The following HOMEZ variants were observed in gnomAD, a reference collection of about 807,000 sequenced individuals.
HOMEZ encodes the protein homeobox and leucine zipper encoding, also known as homeobox and leucine zipper protein Homez.
Under a neutral mutation model 50.1 loss-of-function variants are expected in HOMEZ, and 20 were observed. The observed-to-expected ratio is 0.40, with a 90% CI of 0.28 to 0.58. The LOEUF (loss-of-function observed/expected upper bound fraction) is 0.58. Ranked by LOEUF, HOMEZ falls within the 20% of genes least tolerant of loss-of-function variation. HOMEZ has a pLI of 0.46. For missense variants in HOMEZ, 579 were observed against 680.5 expected, an observed-to-expected ratio of 0.85 and a Z score of 1.66; for synonymous variants, 239 against 254.7, an observed-to-expected ratio of 0.94 and a Z score of 0.59.
intron 1 of HOMEZ, among the ~76,000 whole-genome samples, chr14:23,282,584 C>T (rs1886579813): frequency 6.6e-6 from 1 of 151,920 alleles, no homozygotes. Flanking sequence ...TACTTAACCT[C>T]ATTTGTGTCC....
rs1886347738 is a variant in HOMEZ at position 23,276,107 on chromosome 14, A to G, written c.1121T>C (p.Phe374Ser). The G allele has an allele frequency of 6.2e-7, 1 of 1,613,892 alleles. No homozygotes were observed. The highest frequency in any genetic ancestry group is 1.3e-5 in the African/African-American group (1 of 74,942). The change falls in exon 2 of 2, where the codon TTT (phenylalanine) becomes TCT (serine). Residue 374 changes from phenylalanine to serine, a missense_variant. Phe to Ser is a radical substitution (Grantham distance 155). Coordinates refer to ENST00000357460, the MANE Select transcript of HOMEZ (RefSeq NM_020834.3). This position sits in a 1 kb window ranked among gnomAD's most constrained non-coding sequence, Gnocchi z 4.1. Reference protein sequence around the residue: ...TKEQLAILKSFFLQCQWARRE... With the variant: ...TKEQLAILKSSFLQCQWARRE... ...CCGTGCCCACTGGCACTGTAAAAAA[A>G]AGGATTTAAGGATAGCCAGCTGCTC...
chr14:23,284,695 C>G (rs1193186221), intron 1 of HOMEZ, among the ~76,000 whole-genome samples: 1 of 152,118 alleles, frequency 6.6e-6, no homozygotes, highest in Admixed American at 6.6e-5. Flanking sequence ...AGAGACATAA[C>G]GCAAGGAAGA....
intron 1 of HOMEZ, chr14:23,285,338 A>G (rs1886634983): frequency 6.6e-6 from 1 of 151,994 alleles, no homozygotes; most frequent in South Asian, 2.1e-4. Context: ...GAGTCTCAGA[A>G]TAGGACGCAA....
rs1886225154 is a variant in HOMEZ, at chr14:23,272,978, G to C, written c.*2597C>G. 4 of 723,188 alleles carry C rather than the reference G, an allele frequency of 5.5e-6. No individual in the cohort carries two copies. The East Asian group carries it at 1.2e-4, about 21-fold the overall frequency. The allele number at this position is 723,188 out of a possible 1,614,324, so 44.8% of individuals were successfully genotyped here. ...ATTAGGGGTGATGGCCCTGGAAAAT[G>C]TATCCCTGCATTGTTTCCTAGTTTC... On this transcript the variant is annotated 3_prime_UTR_variant, in exon 2 of 2. Transcript: ENST00000357460.
In HOMEZ at chr14:23,276,763, A is replaced by G. The variant is rs1886372286; in HGVS notation, c.465T>C (p.Pro155=). ...CAACTTGCTCTGGAGCTGGCACTGG[A>G]GGAGGAGGCACCTCCTCTGGGGGCC... The part of the protein sequence containing the change: ...AGRPPEEVPP[P]PVPAPEQVGI... The change falls in exon 2 of 2, where the codon CCT becomes CCC. Residue 155 remains proline, a synonymous_variant. Coordinates refer to ENST00000357460, the MANE Select transcript of HOMEZ (RefSeq NM_020834.3). This position sits in a 1 kb window ranked among gnomAD's most constrained non-coding sequence, Gnocchi z 4.1. The G allele has an allele frequency of 3.7e-6, 6 of 1,613,994 alleles. No individual in the cohort carries two copies. The highest frequency in any genetic ancestry group is 1.6e-4 in the Middle Eastern group (1 of 6,062).
Position 23,274,554 on chromosome 14 carries a change from G to A in HOMEZ, c.*1021C>T, listed in dbSNP as rs985078772. 8 of 152,524 alleles carry A rather than the reference G, an allele frequency of 5.2e-5. No individual in the cohort carries two copies. The highest frequency in any genetic ancestry group is 2.0e-4 in the Admixed American group (3 of 15,272). 9.4% of individuals were successfully genotyped at this position (152,524 alleles called of 1,614,324 possible). ...GAAGATTTTCCCTGAGACAAACAAT[G>A]AACAGAGTGAGGATTTTGGAAAGAT... On this transcript the variant is annotated 3_prime_UTR_variant, in exon 2 of 2. Coordinates refer to ENST00000357460, the MANE Select transcript of HOMEZ (RefSeq NM_020834.3).
Position 23,276,798 on chromosome 14 carries a change from G to C in HOMEZ, c.430C>G (p.His144Asp), listed in dbSNP as rs1029872144. Residue 144 changes from histidine (H) to aspartate (D), a missense_variant, in exon 2 of 2, where the codon CAT (histidine) becomes GAT (aspartate). Coordinates refer to ENST00000357460, the MANE Select transcript of HOMEZ (RefSeq NM_020834.3). This position sits in a 1 kb window ranked among gnomAD's most constrained non-coding sequence, Gnocchi z 4.1. ...ACCTCCTCTGGGGGCCGTCCCGCATGATGAGTAAAAGAGAGAAGGGATTTG... is the reference window on the plus strand; with the variant it reads ...ACCTCCTCTGGGGGCCGTCCCGCATCATGAGTAAAAGAGAGAAGGGATTTG... ...HFKSLLSFTH[H>D]AGRPPEEVPP... 8.7e-6 allele frequency: 14 copies of C among 1,613,948 alleles called. No homozygotes were observed. The highest frequency in any genetic ancestry group is 1.0e-5 in the Non-Finnish European group (12 of 1,179,906).
Position 23,276,939 on chromosome 14 carries a change from C to T in HOMEZ, c.289G>A (p.Glu97Lys). 1 of 1,614,080 alleles carries T rather than the reference C, an allele frequency of 6.2e-7. No individual in the cohort carries two copies. Among genetic ancestry groups the T allele is most frequent in the Non-Finnish European group, 8.5e-7 (1 of 1,179,916 alleles). ...GCCATAAACCAAGTCTTGACTTTCTCCATCTGCAACCCATAACGTAGGCAG... is the reference window on the plus strand; with the variant it reads ...GCCATAAACCAAGTCTTGACTTTCTTCATCTGCAACCCATAACGTAGGCAG... ...LLCLRYGLQMEKVKTWFMAQR... is the reference protein window; with the variant it reads ...LLCLRYGLQMKKVKTWFMAQR... Residue 97 changes from glutamate to lysine, a missense_variant, in exon 2 of 2, where the codon GAG becomes AAG. Glu to Lys is a moderately conservative substitution (Grantham distance 56). Coordinates refer to ENST00000357460, the MANE Select transcript of HOMEZ (RefSeq NM_020834.3). The surrounding 1 kb of genome is among the most constrained non-coding windows in gnomAD (Gnocchi z 4.1).
chr14:23,281,437 G>A (rs933153058), intron 1 of HOMEZ, among the ~76,000 whole-genome samples: 6 of 152,080 alleles, frequency 3.9e-5, no homozygotes, highest in South Asian at 2.1e-4. Context: ...GTGATCTCAG[G>A]CAAGTTACTT....
At chr14:23,277,532 T>C (rs1344458250) in intron 1 of HOMEZ, among the ~76,000 whole-genome samples, 3 of 152,046 alleles carry the variant, frequency 2.0e-5, no homozygotes, top group East Asian at 1.9e-4. Context: ...GGTGGGAGGA[T>C]TGCTTGAGCC....
At chr14:23,279,804 T>C (rs1215411055) in intron 1 of HOMEZ, among the ~76,000 whole-genome samples, 1 of 152,012 alleles carries the variant, frequency 6.6e-6, no homozygotes, top group Non-Finnish European at 1.5e-5. Flanking sequence ...TAGAGACAAG[T>C]TCTCGTTATG....
intron 1 of HOMEZ, among the ~76,000 whole-genome samples, chr14:23,280,961 G>A (rs1886543379): frequency 6.6e-6 from 1 of 151,068 alleles, no homozygotes; most frequent in Admixed American, 6.6e-5. Flanking sequence ...AGTAGAGACA[G>A]GATTTCACCA....
chr14:23,277,836 T>C (rs1181113269), intron 1 of HOMEZ, among the ~76,000 whole-genome samples: 2 of 152,010 alleles, frequency 1.3e-5, no homozygotes, highest in African/African-American at 4.8e-5. Flanking sequence ...TGTGTGTGTG[T>C]GCGTGTGTTT....
Position 23,273,154 on chromosome 14 carries a change from T to C in HOMEZ, c.*2421A>G. The C allele has an allele frequency of 3.4e-6, 1 of 295,076 alleles. No individual in the cohort carries two copies. The highest frequency in any genetic ancestry group is 6.1e-5 in the East Asian group (1 of 16,468). 18.3% of individuals were successfully genotyped at this position (295,076 alleles called of 1,614,324 possible). On this transcript the variant is annotated 3_prime_UTR_variant, in exon 2 of 2. Transcript: ENST00000357460. ...GTAGCTCCCCTCATTTCCTACAATT[T>C]GGAACAAAGGTCAAAAAAATAATTC... is the stretch of plus-strand genomic sequence containing the variant.
In HOMEZ at chr14:23,282,175, G is replaced by A. The variant is rs186087173; in HGVS notation, c.40+3738C>T. Among the ~76,000 whole-genome samples, 414 of 152,228 alleles carry A rather than the reference G, an allele frequency of 2.7e-3. 4 individuals carry two copies. Among genetic ancestry groups the A allele is most frequent in the African/African-American group, 9.7e-3 (402 of 41,528 alleles). ...TCCTCCTAGACAATGGGGTAACTGGGACAAAGACTGAATCATTTAACATTC... is the reference window on the plus strand; with the variant it reads ...TCCTCCTAGACAATGGGGTAACTGGAACAAAGACTGAATCATTTAACATTC... On this transcript the variant is annotated intron_variant, in intron 1 of 1. Transcript: ENST00000357460.
chr14:23,278,232 A>C (rs1886411989), intron 1 of HOMEZ, among the ~76,000 whole-genome samples: 2 of 151,516 alleles, frequency 1.3e-5, no homozygotes, highest in Non-Finnish European at 2.9e-5. Context: ...TATCTTTCCT[A>C]TTCAAACCCA....
chr14:23,283,839 G>A (rs1471596580), intron 1 of HOMEZ, among the ~76,000 whole-genome samples: 1 of 152,186 alleles, frequency 6.6e-6, no homozygotes, highest in African/African-American at 2.4e-5. Flanking sequence ...ACGTTGCAGT[G>A]AGCCAAGATC....
chr14:23,276,880 A>G lies in HOMEZ; in HGVS notation c.348T>C (p.Ser116=), dbSNP rs765570451. The stretch of plus-strand genomic sequence containing the variant: ...GGGCTCGAGTCTCTTCTATTTCTTC[A>G]GATGACCAGCTAATACCACAGCGGA... The part of the protein sequence containing the change: ...QRLRCGISWS[S]EEIEETRARV... The change falls in exon 2 of 2, where the codon TCT becomes TCC. Residue 116 remains serine (S), a synonymous_variant. Coordinates refer to ENST00000357460, the MANE Select transcript of HOMEZ (RefSeq NM_020834.3). The surrounding 1 kb of genome is among the most constrained non-coding windows in gnomAD (Gnocchi z 4.1). The G allele has an allele frequency of 1.4e-5, 23 of 1,614,090 alleles. No individual in the cohort carries two copies. In the South Asian group the frequency reaches 2.4e-4, roughly 17 times the overall value.
rs1243430011 is a variant in HOMEZ, at chr14:23,280,703, A to ATTT, written c.41-3519_41-3517dup. 5.5e-4 allele frequency among the ~76,000 whole-genome samples: 34 copies of ATTT among 61,608 alleles called. 2 individuals are homozygous for ATTT. The South Asian group carries it at 6.6e-3, about 12-fold the overall frequency. 40.4% of individuals were successfully genotyped at this position (61,608 alleles called of 152,430 possible). A position where few individuals can be genotyped will look rare whatever the true frequency, so the allele number is the denominator to read the frequency against. Reference sequence around the variant, plus strand: ...TGTTATATTTTATTTTTATTTTTATATTTTTATTTTTATTTTATTTTATTT... The same window carrying ATTT: ...TGTTATATTTTATTTTTATTTTTATATTTTTTTTATTTTTATTTTATTTTATTT... On this transcript the variant is annotated intron_variant, in intron 1 of 1. Coordinates refer to ENST00000357460, the MANE Select transcript of HOMEZ (RefSeq NM_020834.3).
Sources: gnomAD v4.1 joint callset for allele counts (sites outside exome capture counted in the v4.1 genomes callset) on GRCh38, gnomAD v4.1.1 for gene constraint, Gnocchi (gnomAD v3.1) non-coding constraint, MANE v1.5 for transcripts, NCBI Gene and HGNC (gene_info 2026-07-23, HGNC 2026-07-21) for gene names.